The following PATJ variants were observed in gnomAD, a reference collection of about 807,000 sequenced individuals.
PATJ encodes PATJ crumbs cell polarity complex component, also known as inaD-like protein.
Under a neutral mutation model 224.9 loss-of-function variants are expected in PATJ, and 190 were observed. The ratio of observed to expected loss-of-function variants is 0.84; its 90% CI spans 0.75 to 0.95. The LOEUF is 0.95. PATJ is among the 40% of genes least tolerant of loss of function. The pLI is 0.00. For synonymous variants in PATJ, 769 were observed against 820.3 expected, an observed-to-expected ratio of 0.94 and a Z score of 1.07; for missense variants, 2,121 against 2,270.3, an observed-to-expected ratio of 0.93 and a Z score of 1.34.
chr1:62,087,969 G>A (rs148287405), intron 33 of PATJ, among the ~76,000 whole-genome samples: 23 of 149,930 alleles, frequency 1.5e-4, no homozygotes, highest in African/African-American at 4.2e-4. Flanking sequence ...TCGGCTCACC[G>A]CAACCTCCGC....
Position 61,832,843 on chromosome 1 carries a change from A to G in PATJ, c.1981-811A>G, listed in dbSNP as rs1466176592. Among the ~76,000 whole-genome samples the G allele has an allele frequency of 2.0e-5, 3 of 152,178 alleles. No individual in the cohort carries two copies. The East Asian group carries it at 5.8e-4, about 29-fold the overall frequency. Reference sequence around the variant, plus strand: ...GTACAATGCTATAATTAGTATAAAAACAGAAGGTTTTTTGAAGCAGCCATT... The same window carrying G: ...GTACAATGCTATAATTAGTATAAAAGCAGAAGGTTTTTTGAAGCAGCCATT... On this transcript the variant is annotated intron_variant, in intron 16 of 43. Transcript: ENST00000642238.
intron 14 of PATJ, among the ~76,000 whole-genome samples, chr1:61,812,436 GT>G (rs1655060864): frequency 1.0e-5 from 1 of 98,358 alleles, no homozygotes; most frequent in East Asian, 2.3e-4. Context: ...GAGAGAGAGT[GT>G]GTGTGTGTGT....
chr1:61,764,992 A>G (rs777798082), intron 3 of PATJ, among the ~76,000 whole-genome samples: 3 of 118,224 alleles, frequency 2.5e-5, no homozygotes, highest in Non-Finnish European at 3.4e-5. Flanking sequence ...ACACAGTCAT[A>G]TTTTATGCAT....
chr1:62,117,960 G>A (rs188818204), intron 37 of PATJ, among the ~76,000 whole-genome samples: 5 of 152,108 alleles, frequency 3.3e-5, no homozygotes, highest in Non-Finnish European at 5.9e-5. Context: ...TCCCCTCCCT[G>A]GTTGCCTTAT....
chr1:61,836,688 C>T (rs1660230284), intron 17 of PATJ, among the ~76,000 whole-genome samples: 1 of 151,980 alleles, frequency 6.6e-6, no homozygotes, highest in Admixed American at 6.5e-5. Context: ...ATCGGTTATA[C>T]CATCCCTTGT....
chr1:61,843,545 C>T (rs1429051401), intron 17 of PATJ, among the ~76,000 whole-genome samples: 3 of 152,020 alleles, frequency 2.0e-5, no homozygotes, highest in Non-Finnish European at 4.4e-5. Context: ...CAAGACCAGC[C>T]TGGGCAACAC....
chr1:61,890,174 T>A (rs950331033), intron 22 of PATJ, among the ~76,000 whole-genome samples: 1 of 152,150 alleles, frequency 6.6e-6, no homozygotes, highest in South Asian at 2.1e-4. Context: ...GGTAGTTCTG[T>A]AGATTGAATA....
Position 62,161,158 on chromosome 1 carries a change from ATTCTT to A in PATJ, c.*105_*109del. ...GCACCCTCAACTAAAATGCACCTTC[ATTCTT>A]ATTTCTTGCCCTCTCTGCTCAGGAG... On this transcript the variant is annotated 3_prime_UTR_variant, in exon 44 of 44. Transcript: ENST00000642238. 1.1e-6 allele frequency: 1 copy of A among 906,774 alleles called. No individual in the cohort carries two copies. 56.2% of individuals were successfully genotyped at this position (906,774 alleles called of 1,614,324 possible).
intron 14 of PATJ, among the ~76,000 whole-genome samples, chr1:61,814,547 T>TGTGTGTGTGTGCGCGCGCGCGC (rs370488022): frequency 5.6e-5 from 8 of 142,492 alleles, no homozygotes; most frequent in African/African-American, 1.9e-4. Context: ...TGTGTGTGTG[T>TGTGTGTGTGTGCGCGCGCGCGC]GCGCGCGCGC....
chr1:61,744,634 T>C (rs764024936), intron 1 of PATJ, among the ~76,000 whole-genome samples: 1 of 152,222 alleles, frequency 6.6e-6, no homozygotes, highest in Non-Finnish European at 1.5e-5. Context: ...CTTTTTCCTC[T>C]GCTCTCACAC....
chr1:62,097,752 G>A (rs886107642), intron 33 of PATJ, among the ~76,000 whole-genome samples: 1 of 152,136 alleles, frequency 6.6e-6, no homozygotes, highest in South Asian at 2.1e-4. Context: ...TAAGTTTTGC[G>A]GCCAAAGGTA....
At chr1:62,124,580 A>C (rs1665479387) in intron 39 of PATJ, among the ~76,000 whole-genome samples, 1 of 152,220 alleles carries the variant, frequency 6.6e-6, no homozygotes, top group African/African-American at 2.4e-5. Flanking sequence ...TGCAGTTATA[A>C]AACACCACAG....
At chr1:62,094,558 A>AACACACACACACACACACAC (rs58104906) in intron 33 of PATJ, among the ~76,000 whole-genome samples, 1 of 132,536 alleles carries the variant, frequency 7.5e-6, no homozygotes, top group African/African-American at 2.8e-5. Flanking sequence ...ATTCTGTCTC[A>AACACACACACACACACACAC]ACACACACAC....
chr1:61,870,839 C>T (rs1666223619), intron 20 of PATJ, among the ~76,000 whole-genome samples: 1 of 152,132 alleles, frequency 6.6e-6, no homozygotes, highest in Non-Finnish European at 1.5e-5. Context: ...TTTATATTTC[C>T]ATTAGCAAAG....
chr1:61,990,465 A>T, intron 28 of PATJ, 101 bp downstream of exon 28: 1 of 727,160 alleles, frequency 1.4e-6, no homozygotes, highest in Non-Finnish European at 2.1e-6. Context: ...ATGTCAAATT[A>T]TATTTCCTTC....
chr1:61,792,329 A>T (rs1017871890), intron 9 of PATJ, among the ~76,000 whole-genome samples: 3 of 152,126 alleles, frequency 2.0e-5, no homozygotes, highest in African/African-American at 7.2e-5. Context: ...CTCAGTGTGG[A>T]TTGTATAATA....
chr1:62,141,189 A>G (rs1667463216), intron 41 of PATJ, among the ~76,000 whole-genome samples: 1 of 152,120 alleles, frequency 6.6e-6, no homozygotes, highest in African/African-American at 2.4e-5. Context: ...GCCTCACACA[A>G]GGTGATTTGC....
intron 34 of PATJ, 101 bp downstream of exon 34, chr1:62,108,621 C>G (rs1663412877): frequency 1.7e-6 from 1 of 576,630 alleles, no homozygotes; most frequent in Non-Finnish European, 3.0e-6. Flanking sequence ...TTCACTGATT[C>G]CTCTCCCATT....
At chr1:62,137,791 C>T (rs1056404181) in intron 41 of PATJ, among the ~76,000 whole-genome samples, 1 of 152,018 alleles carries the variant, frequency 6.6e-6, no homozygotes, top group Admixed American at 6.6e-5. Flanking sequence ...AGGCTGCAGC[C>T]TCCCCGTCCT....
Sources: allele counts gnomAD v4.1 joint callset (sites outside exome capture counted in the v4.1 genomes callset), GRCh38; gene constraint gnomAD v4.1.1; transcripts MANE v1.5; gene names NCBI Gene and HGNC (gene_info 2026-07-23, HGNC 2026-07-21).